MORC1: variants seen among roughly 807,000 people sequenced by gnomAD.
MORC1 encodes the protein MORC family CW-type zinc finger protein 1.
Under a neutral mutation model 134.9 loss-of-function variants are expected in MORC1, and 59 were observed. The observed-to-expected ratio is 0.44, with a 90% CI of 0.35 to 0.54. The LOEUF is 0.54. MORC1 is among the 20% of genes least tolerant of loss of function. The pLI is 0.00. For missense variants in MORC1, 947 were observed against 1,134.5 expected (o/e 0.83, Z 2.37); for synonymous variants, 395 against 391.7 (o/e 1.01, Z -0.10).
chr3:108,996,753 G>A (rs553860392), intron 21 of MORC1, among the ~76,000 whole-genome samples: 2 of 152,170 alleles, frequency 1.3e-5, no homozygotes, highest in Non-Finnish European at 2.9e-5. Flanking sequence ...GCTCATGCCT[G>A]TAATCCCAGC....
rs376216248 is a variant in MORC1, at chr3:108,984,613, T to C, written c.2324+103A>G. On this transcript the variant is annotated intron_variant, in intron 23 of 27. Transcript: ENST00000232603. ...AATTTGGTTCCATTCTTGATTGCTT[T>C]TGTTGCTATTATTTCCTTTCTTCTT... The C allele has an allele frequency of 2.3e-4, 208 of 890,498 alleles. No individual in the cohort carries two copies. The African/African-American group carries it at 3.4e-3, about 15-fold the overall frequency. The allele number at this position is 890,498 out of a possible 1,614,324, so 55.2% of individuals were successfully genotyped here.
chr3:109,058,304 C>T (rs1950007409), intron 12 of MORC1, among the ~76,000 whole-genome samples: 1 of 152,070 alleles, frequency 6.6e-6, no homozygotes, highest in Non-Finnish European at 1.5e-5. Flanking sequence ...TACCTAGCCA[C>T]TTGTGATGTC....
chr3:108,962,328 T>C (rs1947101606), intron 27 of MORC1, among the ~76,000 whole-genome samples: 1 of 152,036 alleles, frequency 6.6e-6, no homozygotes, highest in Non-Finnish European at 1.5e-5. Context: ...TAATACAAGA[T>C]AAATTTCAGA....
At chr3:109,068,628 G>A (rs965816595) in intron 9 of MORC1, among the ~76,000 whole-genome samples, 1 of 152,116 alleles carries the variant, frequency 6.6e-6, no homozygotes, top group Admixed American at 6.6e-5. Flanking sequence ...GGGCATTTGG[G>A]TTGGCTCCAT....
intron 8 of MORC1, among the ~76,000 whole-genome samples, chr3:109,073,569 C>A (rs1950364459): frequency 6.6e-6 from 1 of 152,158 alleles, no homozygotes; most frequent in Admixed American, 6.5e-5. Context: ...GGCACACAGA[C>A]AACAGACCCC....
chr3:108,987,497 G>A (rs868824889), intron 21 of MORC1, among the ~76,000 whole-genome samples: 1 of 152,128 alleles, frequency 6.6e-6, no homozygotes, highest in South Asian at 2.1e-4. Context: ...CTCATCTTCT[G>A]ACAGAATCCC....
chr3:109,114,339 G>A lies in MORC1; in HGVS notation c.119+45C>T, dbSNP rs951549948. 4 of 1,501,006 alleles carry A rather than the reference G, an allele frequency of 2.7e-6. No individual in the cohort carries two copies. The Admixed American group carries it at 5.4e-5, about 20-fold the overall frequency. 93.0% of individuals were successfully genotyped at this position (1,501,006 alleles called of 1,614,324 possible). On this transcript the variant is annotated intron_variant, in intron 2 of 27. Coordinates refer to ENST00000232603, the MANE Select transcript of MORC1 (RefSeq NM_014429.4). Reference sequence around the variant, plus strand: ...TCCCATGTAATTAGACAAGAGTTATGTCATGAAATTCCCTCAGTAACTGTT... The same window carrying A: ...TCCCATGTAATTAGACAAGAGTTATATCATGAAATTCCCTCAGTAACTGTT...
At chr3:109,088,881 C>A (rs973444526) in intron 8 of MORC1, among the ~76,000 whole-genome samples, 3 of 152,030 alleles carry the variant, frequency 2.0e-5, no homozygotes, top group African/African-American at 7.3e-5. Context: ...TACTATGCTG[C>A]CATATAAAAG....
intron 8 of MORC1, among the ~76,000 whole-genome samples, chr3:109,087,522 G>A (rs1950636216): frequency 6.6e-6 from 1 of 151,888 alleles, no homozygotes; most frequent in Admixed American, 6.6e-5. Context: ...TAAACAGGGA[G>A]GTGAAAGATT....
intron 17 of MORC1, among the ~76,000 whole-genome samples, chr3:109,016,150 T>C (rs916266119): frequency 3.9e-5 from 6 of 152,222 alleles, no homozygotes; most frequent in African/African-American, 1.4e-4. Context: ...TCTTGTAGTG[T>C]TGTATCACAC....
At chr3:109,099,880 C>A (rs73216677) in intron 5 of MORC1, among the ~76,000 whole-genome samples, 2,794 of 152,252 alleles carry the variant, frequency 0.018, 31 homozygotes, top group Non-Finnish European at 0.029. Context: ...AGGGGTACCG[C>A]TTCAGGAATC....
intron 9 of MORC1, among the ~76,000 whole-genome samples, chr3:109,068,916 G>A (rs1950256350): frequency 6.6e-6 from 1 of 152,240 alleles, no homozygotes; most frequent in Admixed American, 6.5e-5. Context: ...AGCACTTTGG[G>A]AGGCCAAGGC....
intron 17 of MORC1, among the ~76,000 whole-genome samples, chr3:109,016,390 A>T (rs1175245244): frequency 6.6e-6 from 1 of 152,030 alleles, no homozygotes; most frequent in Non-Finnish European, 1.5e-5. Flanking sequence ...CACTCAGATG[A>T]CCCTGACTCC....
chr3:108,966,848 C>A (rs1404839186), intron 26 of MORC1, among the ~76,000 whole-genome samples: 1 of 152,036 alleles, frequency 6.6e-6, no homozygotes, highest in African/African-American at 2.4e-5. Flanking sequence ...AACTCTGGGG[C>A]ACTCATTTTA....
chr3:109,118,127 C>G lies in MORC1; in HGVS notation c.-68G>C. 6.5e-7 allele frequency: 1 copy of G among 1,544,020 alleles called. No homozygotes were observed. The highest frequency in any genetic ancestry group is 8.8e-7 in the Non-Finnish European group (1 of 1,136,846). On this transcript the variant is annotated 5_prime_UTR_variant, in exon 1 of 28. Coordinates refer to ENST00000232603, the MANE Select transcript of MORC1 (RefSeq NM_014429.4). ...CTGACCGGCAGCCGTTCGCCTGCGC[C>G]CGCGCCCACTCCCACGCCCACGCTC...
At chr3:109,016,662 A>G (rs1948821952) in intron 17 of MORC1, among the ~76,000 whole-genome samples, 1 of 152,212 alleles carries the variant, frequency 6.6e-6, no homozygotes, top group East Asian at 1.9e-4. Flanking sequence ...CAGGAGTTCA[A>G]GACCAGCCTG....
At chr3:109,022,251 T>G (rs978201388) in intron 17 of MORC1, among the ~76,000 whole-genome samples, 3 of 152,202 alleles carry the variant, frequency 2.0e-5, no homozygotes, top group African/African-American at 4.8e-5. Context: ...TTATAGAGAT[T>G]TGAAACCTCA....
At chr3:109,071,881 G>A (rs1233361732) in intron 8 of MORC1, among the ~76,000 whole-genome samples, 1 of 152,106 alleles carries the variant, frequency 6.6e-6, no homozygotes, top group Non-Finnish European at 1.5e-5. Context: ...AGCTAGGAAA[G>A]GTTTTATGTC....
intron 21 of MORC1, among the ~76,000 whole-genome samples, chr3:108,996,728 C>T (rs933549345): frequency 6.6e-6 from 1 of 151,978 alleles, no homozygotes; most frequent in Non-Finnish European, 1.5e-5. Context: ...ACAAAAAATG[C>T]GGCCGGGAGT....
Sources: allele counts gnomAD v4.1 joint callset (sites outside exome capture counted in the v4.1 genomes callset), GRCh38; gene constraint gnomAD v4.1.1; transcripts MANE v1.5; gene names NCBI Gene and HGNC (gene_info 2026-07-23, HGNC 2026-07-21).